Variants in SMYD4 observed in about 807,000 individuals in gnomAD.
SMYD4 encodes the protein protein-lysine N-methyltransferase SMYD4.
In SMYD4, 68 loss-of-function variants were observed where a neutral mutation model predicts 72.8. The ratio of observed to expected loss-of-function variants is 0.93; its 90% CI spans 0.77 to 1.14. SMYD4 has a LOEUF of 1.14. Among genes scored for constraint, SMYD4 ranks in the 50% most tolerant of loss-of-function variants. The pLI, the probability that SMYD4 is intolerant of heterozygous loss-of-function variation, is 0.00. For missense variants in SMYD4, 984 were observed against 1,003.7 expected, an observed-to-expected ratio of 0.98 and a Z score of 0.27; for synonymous variants, 407 against 388.6, an observed-to-expected ratio of 1.05 and a Z score of -0.56.
rs778733229 is a variant in SMYD4 at position 1,783,026 on chromosome 17, G to T, written c.2261+9C>A. 5 of 1,613,032 alleles carry T rather than the reference G, an allele frequency of 3.1e-6. No homozygotes were observed. In the East Asian group the frequency reaches 1.1e-4, roughly 36 times the overall value. ...AGTGTGTGCCCTGTGAAGTGGGAAA[G>T]GGACTCACCCGTTGAAAAAGATCTG... On this transcript the variant is annotated intron_variant, in intron 10 of 10. Coordinates refer to ENST00000305513, the MANE Select transcript of SMYD4 (RefSeq NM_052928.3).
intron 3 of SMYD4, among the ~76,000 whole-genome samples, chr17:1,807,343 G>A (rs1048817951): frequency 3.6e-5 from 5 of 137,396 alleles, no homozygotes; most frequent in African/African-American, 1.4e-4. Context: ...TTTTTTTTTT[G>A]AGACAGAGTT....
rs59420310 is a variant in SMYD4, at chr17:1,794,105, A to ATTTTTTT, written c.1537+5745_1537+5751dup. Among the ~76,000 whole-genome samples the ATTTTTTT allele has an allele frequency of 6.9e-4, 9 of 12,992 alleles. 1 individual carries two copies. Among genetic ancestry groups the ATTTTTTT allele is most frequent in the Non-Finnish European group, 1.2e-3 (9 of 7,264 alleles). The allele number at this position is 12,992 out of a possible 152,430, so 8.5% of individuals were successfully genotyped here. On this transcript the variant is annotated intron_variant, in intron 5 of 10. Coordinates refer to ENST00000305513, the MANE Select transcript of SMYD4 (RefSeq NM_052928.3). ...TGTATATATATATATATATATATAT[A>ATTTTTTT]TTTTTTTTTTTTTTTTTTTTTTGAG...
rs1909415918 is a variant in SMYD4 at position 1,796,439 on chromosome 17, G to T, written c.1537+3418C>A. Reference sequence around the variant, plus strand: ...GTGTGAGCCACTGCGGCTGGCTTCAGGTATTCTTTTTTTTTTGAGATGGAG... The same window carrying T: ...GTGTGAGCCACTGCGGCTGGCTTCATGTATTCTTTTTTTTTTGAGATGGAG... On this transcript the variant is annotated intron_variant, in intron 5 of 10. Transcript: ENST00000305513. 2.7e-5 allele frequency among the ~76,000 whole-genome samples: 4 copies of T among 149,998 alleles called. No individual in the cohort carries two copies. The South Asian group carries it at 8.5e-4, about 32-fold the overall frequency.
At chr17:1,790,736 C>T (rs777862634) in intron 5 of SMYD4, among the ~76,000 whole-genome samples, 5 of 151,876 alleles carry the variant, frequency 3.3e-5, no homozygotes, top group African/African-American at 4.8e-5. Context: ...AGGCTAGTCT[C>T]GAACTTCTGA....
intron 3 of SMYD4, among the ~76,000 whole-genome samples, chr17:1,810,987 G>C (rs535571897): frequency 5.9e-5 from 9 of 152,280 alleles, no homozygotes; most frequent in African/African-American, 2.2e-4. Context: ...TAAAGCCCAC[G>C]TGTGATCCGA....
chr17:1,816,907 GA>G (rs572957068), intron 2 of SMYD4, among the ~76,000 whole-genome samples: 1 of 151,864 alleles, frequency 6.6e-6, no homozygotes, highest in Non-Finnish European at 1.5e-5. Context: ...TTTTTAATCT[GA>G]TTTTTTTGTT....
At chr17:1,811,358 G>C (rs191771491) in intron 3 of SMYD4, among the ~76,000 whole-genome samples, 1 of 152,100 alleles carries the variant, frequency 6.6e-6, no homozygotes, top group Admixed American at 6.6e-5. Flanking sequence ...AAAAAAATTT[G>C]TGTGTGTGGA....
chr17:1,791,997 T>C (rs958894479), intron 5 of SMYD4, among the ~76,000 whole-genome samples: 1 of 152,156 alleles, frequency 6.6e-6, no homozygotes, highest in Non-Finnish European at 1.5e-5. Context: ...TGTAATGCCA[T>C]CAGGCAGATA....
At chr17:1,813,392 C>T (rs1045845798) in intron 2 of SMYD4, among the ~76,000 whole-genome samples, 1 of 151,618 alleles carries the variant, frequency 6.6e-6, no homozygotes, top group African/African-American at 2.4e-5. Context: ...TTAACACTTG[C>T]GAAATTTGGA....
At chr17:1,802,366 T>C (rs1361239541) in intron 4 of SMYD4, among the ~76,000 whole-genome samples, 1 of 152,014 alleles carries the variant, frequency 6.6e-6, no homozygotes, top group Non-Finnish European at 1.5e-5. Flanking sequence ...TGGTGGCACA[T>C]ACCTGTAGTC....
chr17:1,815,723 G>A (rs1343961641), intron 2 of SMYD4, among the ~76,000 whole-genome samples: 6 of 146,918 alleles, frequency 4.1e-5, no homozygotes, highest in African/African-American at 1.3e-4. Flanking sequence ...TTTTTGAGAC[G>A]AAGTCTCGCT....
intron 2 of SMYD4, among the ~76,000 whole-genome samples, chr17:1,826,491 C>CAATAAAAAAAAAAA (rs1911176220): frequency 9.7e-6 from 1 of 103,058 alleles, no homozygotes; most frequent in African/African-American, 3.2e-5. Flanking sequence ...AAACTCTGTC[C>CAATAAAAAAAAAAA]AAAAAAAAAA....
chr17:1,824,561 C>T (rs917135898), intron 2 of SMYD4, among the ~76,000 whole-genome samples: 1 of 151,848 alleles, frequency 6.6e-6, no homozygotes, highest in Non-Finnish European at 1.5e-5. Flanking sequence ...GAGTGGTTTC[C>T]CCATGCTGTT....
intron 6 of SMYD4, 41 bp from the exon 7 acceptor site, chr17:1,787,014 AG>A: frequency 6.2e-7 from 1 of 1,607,848 alleles, no homozygotes; most frequent in Non-Finnish European, 8.5e-7. Flanking sequence ...AAAGCAAGAG[AG>A]AGTCAAACAC....
Position 1,794,105 on chromosome 17 carries a change from A to ATATATTTTTTTT in SMYD4, c.1537+5751_1537+5752insAAAAAAAATATA, listed in dbSNP as rs1291818005. Among the ~76,000 whole-genome samples, 5 of 12,992 alleles carry ATATATTTTTTTT rather than the reference A, an allele frequency of 3.8e-4. 1 individual carries two copies. The highest frequency in any genetic ancestry group is 6.9e-4 in the Non-Finnish European group (5 of 7,264). The allele number at this position is 12,992 out of a possible 152,430, so 8.5% of individuals were successfully genotyped here. A position where few individuals can be genotyped will look rare whatever the true frequency, so the allele number is the denominator to read the frequency against. On this transcript the variant is annotated intron_variant, in intron 5 of 10. Transcript: ENST00000305513. Reference sequence around the variant, plus strand: ...TGTATATATATATATATATATATATATTTTTTTTTTTTTTTTTTTTTTGAG... The same window carrying ATATATTTTTTTT: ...TGTATATATATATATATATATATATATATATTTTTTTTTTTTTTTTTTTTTTTTTTTTTTGAG...
intron 7 of SMYD4, among the ~76,000 whole-genome samples, chr17:1,785,439 G>GAAA (rs56261871): frequency 0.26 from 32,249 of 124,044 alleles, 4,376 homozygotes; most frequent in Middle Eastern, 0.35. Context: ...AAAAGAAAAA[G>GAAA]AAAAAAAAAA....
rs199964858 is a variant in SMYD4, at chr17:1,807,420, C to CT, written c.280-2706_280-2705insA. Among the ~76,000 whole-genome samples, 359 of 151,692 alleles carry CT rather than the reference C, an allele frequency of 2.4e-3. 2 individuals carry two copies. The highest frequency in any genetic ancestry group is 3.9e-3 in the Non-Finnish European group (267 of 67,874). ...GCTCACTAAAACTTCCGCGTACCGC[C>CT]CCCCCCGGCCCCCACACCGGCAACC... On this transcript the variant is annotated intron_variant, in intron 3 of 10. Transcript: ENST00000305513.
chr17:1,787,015 G>A, intron 6 of SMYD4, 42 bp from the exon 7 acceptor site: 2 of 1,606,686 alleles, frequency 1.2e-6, no homozygotes. Flanking sequence ...AAGCAAGAGA[G>A]AGTCAAACAC....
At chr17:1,795,193 G>A (rs1909325785) in intron 5 of SMYD4, among the ~76,000 whole-genome samples, 1 of 11,244 alleles carries the variant, frequency 8.9e-5, no homozygotes, top group South Asian at 1.1e-3. Flanking sequence ...GTTCCCAGTG[G>A]GTGGGGTCTT....
Sources: allele counts gnomAD v4.1 joint callset (sites outside exome capture counted in the v4.1 genomes callset), GRCh38; gene constraint gnomAD v4.1.1; transcripts MANE v1.5; gene names NCBI Gene and HGNC (gene_info 2026-07-23, HGNC 2026-07-21).